Variants in UBE2V2 observed in about 807,000 individuals in gnomAD.
UBE2V2 encodes the protein ubiquitin conjugating enzyme E2 V2, also known as ubiquitin-conjugating enzyme E2 variant 2.
Under a neutral mutation model 17.2 loss-of-function variants are expected in UBE2V2, and 9 were observed. The observed-to-expected ratio is 0.52, with a 90% CI of 0.32 to 0.91. The LOEUF is 0.91. Among genes scored for constraint, UBE2V2 ranks in the 40% least tolerant of loss-of-function variants. The pLI is 0.04. For missense variants in UBE2V2, 133 were observed against 182.6 expected (o/e 0.73, Z 1.56); for synonymous variants, 61 against 57.5 (o/e 1.06, Z -0.28).
intron 1 of UBE2V2, among the ~76,000 whole-genome samples, chr8:48,038,510 G>T (rs1020213500): frequency 6.6e-6 from 1 of 150,622 alleles, no homozygotes; most frequent in Non-Finnish European, 1.5e-5. Flanking sequence ...ACAGAGTTTC[G>T]CTCTGTCTCC....
chr8:48,056,393 G>A (rs1034599150), intron 3 of UBE2V2, among the ~76,000 whole-genome samples: 2 of 151,990 alleles, frequency 1.3e-5, no homozygotes, highest in African/African-American at 4.8e-5. Flanking sequence ...TGGGTCATAC[G>A]GTATCTATGT....
At chr8:47,998,385 T>A in the UBE2V2 span, among the ~76,000 whole-genome samples, 539 of 151,954 alleles carry the variant, frequency 3.5e-3, 10 homozygotes, top group African/African-American at 0.012. Flanking sequence ...CCTGGGGAAC[T>A]TGTCTGGAAT....
rs185647348 is a variant in UBE2V2, at chr8:48,046,329, G to A, written c.165+3148G>A. 6.9e-3 allele frequency among the ~76,000 whole-genome samples: 1,043 copies of A among 152,062 alleles called. 9 individuals are homozygous for A. Among genetic ancestry groups the A allele is most frequent in the South Asian group, 0.025 (119 of 4,814 alleles). On this transcript the variant is annotated intron_variant, in intron 2 of 3. Coordinates refer to ENST00000523111, the MANE Select transcript of UBE2V2 (RefSeq NM_003350.3). ...GAGATGGGGTTTCACCATGTTAGCCGGGATGGTCTCGATCTCCTGACCTTG... is the reference window on the plus strand; with the variant it reads ...GAGATGGGGTTTCACCATGTTAGCCAGGATGGTCTCGATCTCCTGACCTTG...
chr8:48,020,069 G>T (rs1311278202), intron 1 of UBE2V2, among the ~76,000 whole-genome samples: 2 of 148,978 alleles, frequency 1.3e-5, no homozygotes, highest in Non-Finnish European at 3.0e-5. Flanking sequence ...TTTGAGACAA[G>T]GTCTCCCTAT....
chr8:48,021,502 T>G (rs2091305434), intron 1 of UBE2V2, among the ~76,000 whole-genome samples: 1 of 151,864 alleles, frequency 6.6e-6, no homozygotes, highest in Non-Finnish European at 1.5e-5. Context: ...GAGATGGGGT[T>G]TCACCGTGTT....
upstream of UBE2V2, among the ~76,000 whole-genome samples, chr8:48,005,416 C>A (rs2091177602): frequency 1.3e-5 from 2 of 152,274 alleles, no homozygotes; most frequent in African/African-American, 4.8e-5. Flanking sequence ...TGCAGTCTAT[C>A]ACTGATGGCC....
At chr8:48,032,657 G>A (rs1017048926) in intron 1 of UBE2V2, among the ~76,000 whole-genome samples, 17 of 152,154 alleles carry the variant, frequency 1.1e-4, no homozygotes, top group African/African-American at 4.1e-4. Context: ...TCTGGAGGCT[G>A]ACGTGGAAGG....
intron 3 of UBE2V2, among the ~76,000 whole-genome samples, chr8:48,054,712 A>G (rs2091560748): frequency 6.6e-6 from 1 of 152,150 alleles, no homozygotes; most frequent in African/African-American, 2.4e-5. Context: ...TTTAGTTTAT[A>G]CGTATTTAAT....
intron 1 of UBE2V2, among the ~76,000 whole-genome samples, chr8:48,021,684 G>A (rs1030377008): frequency 2.7e-5 from 4 of 150,814 alleles, no homozygotes; most frequent in African/African-American, 9.7e-5. Context: ...GAGCCAATGC[G>A]CCTGGCTCTC....
chr8:48,010,498 C>G (rs1396922711), intron 1 of UBE2V2, among the ~76,000 whole-genome samples: 1 of 149,300 alleles, frequency 6.7e-6, no homozygotes, highest in African/African-American at 2.5e-5. Flanking sequence ...GCCTCCCGGG[C>G]TCAAGCGATT....
chr8:48,035,661 A>G lies in UBE2V2; in HGVS notation c.17-7372A>G, dbSNP rs1299190891. ...TGTGTGTGTGTGTGTGTGTGTGTGT[A>G]TATGTATGTATGCTTTTTTTTTTTT... On this transcript the variant is annotated intron_variant, in intron 1 of 3. Transcript: ENST00000523111. Among the ~76,000 whole-genome samples, 326 of 64,132 alleles carry G rather than the reference A, an allele frequency of 5.1e-3. 3 individuals carry two copies. The highest frequency in any genetic ancestry group is 0.012 in the South Asian group (26 of 2,160). The allele number at this position is 64,132 out of a possible 152,430, so 42.1% of individuals were successfully genotyped here. A position where few individuals can be genotyped will look rare whatever the true frequency, so the allele number is the denominator to read the frequency against.
chr8:48,027,739 A>G (rs1209205451), intron 1 of UBE2V2, among the ~76,000 whole-genome samples: 2 of 152,124 alleles, frequency 1.3e-5, no homozygotes, highest in African/African-American at 2.4e-5. Context: ...GGCTCAAGTG[A>G]TCCACCTGCC....
At chr8:48,049,324 A>T (rs533246415) in intron 2 of UBE2V2, among the ~76,000 whole-genome samples, 1 of 152,308 alleles carries the variant, frequency 6.6e-6, no homozygotes, top group Admixed American at 6.5e-5. Flanking sequence ...ATTTAGTAGG[A>T]TAATCATATA....
Position 48,043,181 on chromosome 8 carries a change from G to A in UBE2V2, c.165G>A (p.Arg55=). 6.7e-7 allele frequency: 1 copy of A among 1,483,848 alleles called. No individual in the cohort carries two copies. The highest frequency in any genetic ancestry group is 9.0e-7 in the Non-Finnish European group (1 of 1,114,418). 91.9% of individuals were successfully genotyped at this position (1,483,848 alleles called of 1,614,324 possible). The change falls in exon 2 of 4, where the codon AGG becomes AGA. Residue 55 remains arginine (R), a splice_region_variant and synonymous_variant. Transcript: ENST00000523111. ...RWTGMIIGPP[R]TNYENRIYSL... Reference sequence around the variant, plus strand: ...CAGGCATGATTATTGGGCCACCAAGGGTCAGTGTTATAAATTATATTTTTT... The same window carrying A: ...CAGGCATGATTATTGGGCCACCAAGAGTCAGTGTTATAAATTATATTTTTT...
intron 1 of UBE2V2, among the ~76,000 whole-genome samples, chr8:48,037,464 A>G (rs746073125): frequency 3.9e-5 from 6 of 152,360 alleles, no homozygotes; most frequent in Non-Finnish European, 7.3e-5. Flanking sequence ...TTGTATGTAT[A>G]CCACTGATAC....
At chr8:48,022,879 T>G (rs1159117159) in intron 1 of UBE2V2, among the ~76,000 whole-genome samples, 9 of 151,912 alleles carry the variant, frequency 5.9e-5, no homozygotes, top group Non-Finnish European at 2.9e-5. Context: ...GCTTAAGTGA[T>G]CTGCCTGCCT....
intron 1 of UBE2V2, among the ~76,000 whole-genome samples, chr8:48,023,726 A>T (rs1162647494): frequency 6.6e-6 from 1 of 151,948 alleles, no homozygotes; most frequent in Non-Finnish European, 1.5e-5. Context: ...GCAAAAAAAA[A>T]TTAGCCAGGC....
intron 1 of UBE2V2, chr8:48,035,083 A>G: frequency 3.4e-6 from 3 of 890,184 alleles, no homozygotes; most frequent in Non-Finnish European, 4.0e-6. Context: ...AACTGGCCTT[A>G]GCATTGCTGC....
intron 1 of UBE2V2, among the ~76,000 whole-genome samples, chr8:48,017,556 A>G (rs1177482802): frequency 6.6e-6 from 1 of 151,910 alleles, no homozygotes; most frequent in Non-Finnish European, 1.5e-5. Context: ...TATTTTTAGT[A>G]GAGACGGGAT....
Sources: allele counts gnomAD v4.1 joint callset (sites outside exome capture counted in the v4.1 genomes callset), GRCh38; gene constraint gnomAD v4.1.1; transcripts MANE v1.5; gene names NCBI Gene and HGNC (gene_info 2026-07-23, HGNC 2026-07-21).